Variants in ATP8A1 observed in about 807,000 individuals in gnomAD.
ATP8A1 encodes phospholipid-transporting ATPase IA.
In ATP8A1, 90 loss-of-function variants were observed where a neutral mutation model predicts 177.7. The ratio of observed to expected loss-of-function variants is 0.51; its 90% CI spans 0.43 to 0.60. The LOEUF is 0.60. ATP8A1 is among the 20% of genes least tolerant of loss of function. The probability of loss-of-function intolerance (pLI) is 0.00; values close to 1 mark genes in which losing one functional copy is unlikely to be tolerated. For synonymous variants in ATP8A1, 493 were observed against 485.9 expected (o/e 1.01, Z -0.19); for missense variants, 1,072 against 1,392.8 (o/e 0.77, Z 3.67).
intron 30 of ATP8A1, among the ~76,000 whole-genome samples, chr4:42,450,627 A>C (rs1252100518): frequency 6.6e-6 from 1 of 152,182 alleles, no homozygotes; most frequent in African/African-American, 2.4e-5. Flanking sequence ...TACTGTTGTA[A>C]TTTACTGAGC....
intron 9 of ATP8A1, among the ~76,000 whole-genome samples, chr4:42,582,519 C>A (rs1415798905): frequency 1.5e-5 from 2 of 135,478 alleles, no homozygotes; most frequent in African/African-American, 5.4e-5. Context: ...TCTCTCCCCC[C>A]CCACCCAAAT....
At chr4:42,467,564 G>A (rs1009408593) in intron 25 of ATP8A1, among the ~76,000 whole-genome samples, 3 of 152,134 alleles carry the variant, frequency 2.0e-5, no homozygotes, top group Non-Finnish European at 4.4e-5. Flanking sequence ...ATAGGGGCGC[G>A]TGCCTGTAGT....
intron 25 of ATP8A1, among the ~76,000 whole-genome samples, chr4:42,475,680 C>T (rs992846803): frequency 2.0e-5 from 3 of 151,982 alleles, no homozygotes; most frequent in Non-Finnish European, 4.4e-5. Flanking sequence ...ATAGGTGCCA[C>T]GTATTAGCTC....
intron 24 of ATP8A1, among the ~76,000 whole-genome samples, chr4:42,495,405 A>G (rs1374834254): frequency 6.6e-6 from 1 of 152,200 alleles, no homozygotes; most frequent in East Asian, 1.9e-4. Context: ...ATATACTCCT[A>G]CGCAACACAT....
chr4:42,611,459 A>T (rs1371439776), intron 5 of ATP8A1, among the ~76,000 whole-genome samples: 3 of 152,226 alleles, frequency 2.0e-5, no homozygotes, highest in South Asian at 4.1e-4. Context: ...GCTGCTAAGG[A>T]TCGCAGCTCT....
intron 25 of ATP8A1, among the ~76,000 whole-genome samples, chr4:42,485,277 C>T (rs1169973753): frequency 2.0e-5 from 3 of 152,112 alleles, no homozygotes; most frequent in Admixed American, 6.6e-5. Flanking sequence ...AGAAACCTGT[C>T]GATTCAAATG....
chr4:42,429,276 T>C (rs1577913203), intron 33 of ATP8A1, among the ~76,000 whole-genome samples: 6 of 152,242 alleles, frequency 3.9e-5, no homozygotes, highest in African/African-American at 1.4e-4. Context: ...GGTTGACGAG[T>C]GTGCATTAAA....
chr4:42,514,968 T>G (rs1431433415), intron 22 of ATP8A1, among the ~76,000 whole-genome samples: 1 of 152,240 alleles, frequency 6.6e-6, no homozygotes, highest in East Asian at 1.9e-4. Flanking sequence ...GTTATATTTT[T>G]GTAAAACATT....
intron 29 of ATP8A1, among the ~76,000 whole-genome samples, chr4:42,454,973 C>T (rs2153179299): frequency 6.6e-6 from 1 of 152,246 alleles, no homozygotes; most frequent in Non-Finnish European, 1.5e-5. Flanking sequence ...CATGTCACCA[C>T]AACACTGCAA....
rs574997630 is a variant in ATP8A1, at chr4:42,472,015, T to C, written c.2325-6939A>G. 61 of 720,316 alleles carry C rather than the reference T, an allele frequency of 8.5e-5. No individual in the cohort carries two copies. The East Asian group carries it at 1.1e-3, about 13-fold the overall frequency. 44.6% of individuals were successfully genotyped at this position (720,316 alleles called of 1,614,324 possible). A position where few individuals can be genotyped will look rare whatever the true frequency, so the allele number is the denominator to read the frequency against. ...ATAATCTTTGTTCCTGTTCCTCAAC[T>C]GAAATCTTTCCAGAAAATCCAACTC... is the stretch of plus-strand genomic sequence containing the variant. On this transcript the variant is annotated intron_variant, in intron 25 of 36. Transcript: ENST00000381668.
At chr4:42,544,092 G>C in intron 19 of ATP8A1, 106 bp from the exon 20 acceptor site, 1 of 916,054 alleles carries the variant, frequency 1.1e-6, no homozygotes, top group South Asian at 1.6e-5. Context: ...AAATAAATCT[G>C]ACCAAATCAT....
intron 6 of ATP8A1, among the ~76,000 whole-genome samples, chr4:42,593,330 G>T (rs577836713): frequency 5.3e-5 from 8 of 152,100 alleles, no homozygotes; most frequent in African/African-American, 1.9e-4. Flanking sequence ...AGAACAGAGG[G>T]GGTGATTTGA....
intron 10 of ATP8A1, among the ~76,000 whole-genome samples, chr4:42,581,246 G>A (rs1733019181): frequency 6.6e-6 from 1 of 151,986 alleles, no homozygotes; most frequent in South Asian, 2.1e-4. Context: ...CCATTCTCCT[G>A]CCTCAGCCTC....
chr4:42,507,798 A>AAAAAAAAAAAAAAACAAAAC (rs1724589579), intron 22 of ATP8A1, among the ~76,000 whole-genome samples: 1 of 124,656 alleles, frequency 8.0e-6, no homozygotes, highest in Non-Finnish European at 1.8e-5. Context: ...AAAAAAAAAA[A>AAAAAAAAAAAAAAACAAAAC]AAAAAAAAAA....
In ATP8A1 at chr4:42,647,597, AT is replaced by A. The variant is rs1209087499; in HGVS notation, c.49+9227del. ...TTACTTGTATTATTTAATATTAAATATATAGTATTAAAATTCATTTAACATC... is the reference window on the plus strand; with the variant it reads ...TTACTTGTATTATTTAATATTAAATAATAGTATTAAAATTCATTTAACATC... On this transcript the variant is annotated intron_variant, in intron 1 of 36. Coordinates refer to ENST00000381668, the MANE Select transcript of ATP8A1 (RefSeq NM_006095.2). Among the ~76,000 whole-genome samples, 14 of 151,320 alleles carry A rather than the reference AT, an allele frequency of 9.3e-5. No homozygotes were observed. The South Asian group carries it at 2.9e-3, about 31-fold the overall frequency.
At chr4:42,458,522 C>T (rs1307413110) in intron 27 of ATP8A1, among the ~76,000 whole-genome samples, 1 of 152,132 alleles carries the variant, frequency 6.6e-6, no homozygotes, top group Non-Finnish European at 1.5e-5. Context: ...TTAAAAGGAG[C>T]CAATAATTTA....
rs562757465 is a variant in ATP8A1 at position 42,581,410 on chromosome 4, G to C, written c.834+211C>G. On this transcript the variant is annotated intron_variant, in intron 10 of 36. Coordinates refer to ENST00000381668, the MANE Select transcript of ATP8A1 (RefSeq NM_006095.2). ...GGCCTCCCAAAGTGCTGGGATTACA[G>C]GCGTGAGCCACCGCGCCCAGCCCAA... Among the ~76,000 whole-genome samples the C allele has an allele frequency of 3.1e-4, 47 of 152,298 alleles. 1 individual carries two copies. In the South Asian group the frequency reaches 9.1e-3, roughly 30 times the overall value.
chr4:42,432,543 G>A (rs1354795357), intron 33 of ATP8A1, among the ~76,000 whole-genome samples: 1 of 152,176 alleles, frequency 6.6e-6, no homozygotes, highest in Non-Finnish European at 1.5e-5. Context: ...TAAAGTTGTT[G>A]GACTCTTTCT....
At chr4:42,424,761 T>C (rs1310831416) in intron 33 of ATP8A1, among the ~76,000 whole-genome samples, 1 of 152,250 alleles carries the variant, frequency 6.6e-6, no homozygotes, top group Admixed American at 6.5e-5. Flanking sequence ...TTTTTCTGCA[T>C]TGACATGAGC....
Sources: allele counts gnomAD v4.1 joint callset (sites outside exome capture counted in the v4.1 genomes callset), GRCh38; gene constraint gnomAD v4.1.1; transcripts MANE v1.5; gene names NCBI Gene and HGNC (gene_info 2026-07-23, HGNC 2026-07-21).